CACNA2D1: variants seen among roughly 807,000 people sequenced by gnomAD.
CACNA2D1 encodes the protein voltage-dependent calcium channel subunit alpha-2/delta-1.
Under a neutral mutation model 171.5 loss-of-function variants are expected in CACNA2D1, and 53 were observed. That is an observed-to-expected ratio of 0.31 (90% CI 0.25 to 0.39). The LOEUF (loss-of-function observed/expected upper bound fraction) is 0.39. Among genes scored for constraint, CACNA2D1 ranks in the 10% least tolerant of loss-of-function variants. The pLI is 1.00. For synonymous variants in CACNA2D1, 442 were observed against 443.1 expected (o/e 1.00, Z 0.03); for missense variants, 903 against 1,299.8 (o/e 0.69, Z 4.69).
intron 3 of CACNA2D1, among the ~76,000 whole-genome samples, chr7:82,253,191 C>G (rs538809923): frequency 2.6e-5 from 4 of 152,190 alleles, no homozygotes; most frequent in African/African-American, 7.2e-5. Context: ...AATGAGAAAC[C>G]ATTACAGAAT....
chr7:82,032,660 C>T (rs1802847888), intron 12 of CACNA2D1, 137 bp downstream of exon 12: 1 of 575,908 alleles, frequency 1.7e-6, no homozygotes, highest in African/African-American at 1.9e-5. Flanking sequence ...AGTTTATAAT[C>T]TATGATTCAT....
At chr7:82,120,874 CAA>C (rs749679830) in intron 5 of CACNA2D1, among the ~76,000 whole-genome samples, 23 of 104,562 alleles carry the variant, frequency 2.2e-4, no homozygotes, top group Non-Finnish European at 1.5e-4. Context: ...GACTCTATCT[CAA>C]AAAAAAAAAA....
intron 5 of CACNA2D1, among the ~76,000 whole-genome samples, chr7:82,129,308 A>T (rs965746235): frequency 6.6e-6 from 1 of 152,216 alleles, no homozygotes; most frequent in Admixed American, 6.5e-5. Context: ...ATTTCTTGGC[A>T]GACCTGAATG....
At chr7:82,198,693 C>T (rs1799096039) in intron 3 of CACNA2D1, among the ~76,000 whole-genome samples, 1 of 150,410 alleles carries the variant, frequency 6.6e-6, no homozygotes, top group Non-Finnish European at 1.5e-5. Context: ...TAAGTGGATA[C>T]CCTTGCTTTC....
chr7:82,030,161 T>C (rs1298311655), intron 12 of CACNA2D1, among the ~76,000 whole-genome samples: 2 of 151,868 alleles, frequency 1.3e-5, no homozygotes, highest in Non-Finnish European at 2.9e-5. Flanking sequence ...TGAGAAGCTG[T>C]ATTTCAAGAT....
intron 24 of CACNA2D1, among the ~76,000 whole-genome samples, chr7:81,978,688 A>G (rs1336099204): frequency 6.6e-6 from 1 of 151,548 alleles, no homozygotes; most frequent in East Asian, 2.0e-4. Context: ...ATGTATAACT[A>G]TGTAACAAAC....
intron 2 of CACNA2D1, among the ~76,000 whole-genome samples, chr7:82,340,859 G>A (rs1585567886): frequency 6.6e-6 from 1 of 152,218 alleles, no homozygotes; most frequent in East Asian, 1.9e-4. Context: ...ATAATGAGAA[G>A]TGGGATTAAA....
At chr7:82,153,907 A>T (rs976473656) in intron 4 of CACNA2D1, among the ~76,000 whole-genome samples, 2 of 152,132 alleles carry the variant, frequency 1.3e-5, no homozygotes, top group Non-Finnish European at 2.9e-5. Context: ...TAATAGTTTT[A>T]AAGAAAAACA....
At chr7:82,430,132 G>T (rs561448632) in intron 1 of CACNA2D1, among the ~76,000 whole-genome samples, 1 of 136,210 alleles carries the variant, frequency 7.3e-6, no homozygotes, top group Admixed American at 7.3e-5. Flanking sequence ...AGGCCATGTT[G>T]GCTGGGCGCA....
intron 5 of CACNA2D1, among the ~76,000 whole-genome samples, chr7:82,130,325 G>A (rs1790800843): frequency 6.6e-6 from 1 of 152,078 alleles, no homozygotes. Context: ...AACATTATAT[G>A]TTCCGCTTAG....
intron 1 of CACNA2D1, among the ~76,000 whole-genome samples, chr7:82,365,023 C>G (rs1355596571): frequency 1.3e-5 from 2 of 151,526 alleles, no homozygotes; most frequent in Non-Finnish European, 2.9e-5. Flanking sequence ...CTAGATAAGA[C>G]TAAAAAAGGG....
chr7:82,274,300 C>T (rs545500202), intron 3 of CACNA2D1, among the ~76,000 whole-genome samples: 1 of 152,264 alleles, frequency 6.6e-6, no homozygotes, highest in South Asian at 2.1e-4. Flanking sequence ...TCCCAGATTT[C>T]CAATCTTCTC....
At chr7:82,182,706 T>C (rs1343577837) in intron 3 of CACNA2D1, among the ~76,000 whole-genome samples, 2 of 151,988 alleles carry the variant, frequency 1.3e-5, no homozygotes, top group East Asian at 1.9e-4. Flanking sequence ...CACATATACA[T>C]GAATAAGCTT....
chr7:82,363,325 C>T (rs1414364791), intron 1 of CACNA2D1, among the ~76,000 whole-genome samples: 2 of 131,850 alleles, frequency 1.5e-5, no homozygotes, highest in South Asian at 2.5e-4. Flanking sequence ...AGTGCAGTGG[C>T]GCCATCTCTG....
intron 4 of CACNA2D1, among the ~76,000 whole-genome samples, chr7:82,145,026 ATG>A (rs1792818463): frequency 6.6e-6 from 1 of 151,652 alleles, no homozygotes; most frequent in African/African-American, 2.4e-5. Flanking sequence ...ACCTAAACAC[ATG>A]TGTTTTTTGA....
intron 1 of CACNA2D1, among the ~76,000 whole-genome samples, chr7:82,409,690 T>C (rs1164184933): frequency 1.3e-5 from 2 of 152,234 alleles, no homozygotes; most frequent in African/African-American, 2.4e-5. Flanking sequence ...ATGTACAATG[T>C]GATTGCTGAG....
At chr7:82,250,558 T>C (rs924527513) in intron 3 of CACNA2D1, among the ~76,000 whole-genome samples, 1 of 152,204 alleles carries the variant, frequency 6.6e-6, no homozygotes, top group Non-Finnish European at 1.5e-5. Flanking sequence ...TCTGAGGAGA[T>C]TCACTATTCT....
chr7:82,443,336 G>C, intron 1 of CACNA2D1, 29 bp downstream of exon 1: 1 of 1,576,486 alleles, frequency 6.3e-7, no homozygotes, highest in Non-Finnish European at 8.6e-7. Context: ...CCCCTCGGCC[G>C]GCGCTCCCTG....
intron 7 of CACNA2D1, among the ~76,000 whole-genome samples, chr7:82,074,821 A>G (rs1563005381): frequency 6.6e-6 from 1 of 152,098 alleles, no homozygotes; most frequent in Non-Finnish European, 1.5e-5. Context: ...AGATCATATC[A>G]CTATATTGGT....
Sources: allele counts gnomAD v4.1 joint callset (sites outside exome capture counted in the v4.1 genomes callset), GRCh38; gene constraint gnomAD v4.1.1; transcripts MANE v1.5; gene names NCBI Gene and HGNC (gene_info 2026-07-23, HGNC 2026-07-21).